The following SHISA5 variants were observed in gnomAD, a reference collection of about 807,000 sequenced individuals.
SHISA5 encodes protein shisa-5.
In SHISA5, 21 loss-of-function variants were observed where a neutral mutation model predicts 27.5. The observed-to-expected ratio is 0.76, with a 90% CI of 0.54 to 1.10. The LOEUF (loss-of-function observed/expected upper bound fraction) is 1.10, where lower values mean the gene tolerates loss of function less well. Among genes scored for constraint, SHISA5 ranks in the 50% least tolerant of loss-of-function variants. The pLI is 0.00. For missense variants in SHISA5, 314 were observed against 336.3 expected (o/e 0.93, Z 0.52); for synonymous variants, 137 against 142.2 (o/e 0.96, Z 0.26).
chr3:48,477,209 C>T, intron 3 of SHISA5: 1 of 389,716 alleles, frequency 2.6e-6, no homozygotes, highest in Non-Finnish European at 5.0e-6. Context: ...ATTCTCCTGC[C>T]TCAGCCTACA....
intron 1 of SHISA5, chr3:48,503,200 A>G: frequency 1.6e-6 from 2 of 1,289,130 alleles, no homozygotes; most frequent in Non-Finnish European, 2.0e-6. Context: ...AGGGCTGAAG[A>G]CACACCGGTG....
At position 48,494,296 on chromosome 3, in the gene SHISA5, T is replaced by C. The variant is rs1347051259; in HGVS notation, c.233+6841A>G. 2.7e-5 allele frequency among the ~76,000 whole-genome samples: 4 copies of C among 146,094 alleles called. 1 individual carries two copies. The highest frequency in any genetic ancestry group is 2.7e-4 in the Admixed American group (4 of 14,938). On this transcript the variant is annotated intron_variant, in intron 2 of 5. Coordinates refer to ENST00000296444, the MANE Select transcript of SHISA5 (RefSeq NM_016479.6). The stretch of plus-strand genomic sequence containing the variant: ...ATCATAAATGACAGGATTTCTGGAT[T>C]TCCTTTTTTTTTTTTTTTTTGAGAT...
At chr3:48,497,166 A>G (rs2041577812) in intron 2 of SHISA5, among the ~76,000 whole-genome samples, 1 of 150,096 alleles carries the variant, frequency 6.7e-6, no homozygotes, top group South Asian at 2.1e-4. Flanking sequence ...CAGGAGGCAG[A>G]GGTTGCAGTG....
chr3:48,502,861 C>A (rs1160192735), intron 1 of SHISA5, among the ~76,000 whole-genome samples: 1 of 152,216 alleles, frequency 6.6e-6, no homozygotes, highest in Non-Finnish European at 1.5e-5. Flanking sequence ...AGGCACCTGG[C>A]CATGTGCAGC....
At chr3:48,497,593 G>A (rs1198863495) in intron 2 of SHISA5, among the ~76,000 whole-genome samples, 1 of 151,206 alleles carries the variant, frequency 6.6e-6, no homozygotes, top group African/African-American at 2.4e-5. Context: ...CAATCGGAGG[G>A]TTAAAAAAAA....
intron 2 of SHISA5, among the ~76,000 whole-genome samples, chr3:48,486,655 G>A (rs1390963732): frequency 1.4e-5 from 2 of 140,538 alleles, no homozygotes; most frequent in Non-Finnish European, 1.5e-5. Context: ...CACTTTGGGA[G>A]GCGGAGGCGG....
chr3:48,504,196 C>T (rs1356449704), upstream of SHISA5: 2 of 469,616 alleles, frequency 4.3e-6, no homozygotes, highest in Non-Finnish European at 6.8e-6. The surrounding 1 kb of genome is among the most constrained non-coding windows in gnomAD (Gnocchi z 4.0). Flanking sequence ...CCCGCCCCGC[C>T]CCGGCCCGGC....
At chr3:48,474,807 C>G (rs1405898903) in intron 3 of SHISA5, among the ~76,000 whole-genome samples, 1 of 152,046 alleles carries the variant, frequency 6.6e-6, no homozygotes, top group East Asian at 1.9e-4. Flanking sequence ...TGCAGATACT[C>G]CTGCCAGCTC....
chr3:48,473,125 A>G lies in SHISA5; in HGVS notation c.315-3282T>C. The G allele has an allele frequency of 6.8e-7, 1 of 1,471,352 alleles. No homozygotes were observed. The highest frequency in any genetic ancestry group is 9.0e-7 in the Non-Finnish European group (1 of 1,115,212). 91.1% of individuals were successfully genotyped at this position (1,471,352 alleles called of 1,614,324 possible). A position where few individuals can be genotyped will look rare whatever the true frequency, so the allele number is the denominator to read the frequency against. ...CCCCTTTTGGAGAAAAAGAAAGCAA[A>G]TCTCCTCCAGATGACGTCAGCCACA... On this transcript the variant is annotated intron_variant, in intron 3 of 5. Coordinates refer to ENST00000296444, the MANE Select transcript of SHISA5 (RefSeq NM_016479.6). This position sits in a 1 kb window ranked among gnomAD's most constrained non-coding sequence, Gnocchi z 4.3.
chr3:48,488,559 C>G (rs561192335), intron 2 of SHISA5, among the ~76,000 whole-genome samples: 1 of 140,252 alleles, frequency 7.1e-6, no homozygotes. Context: ...AAAGGCCGGG[C>G]GCGGTGGCTC....
chr3:48,495,927 G>A (rs1218335753), intron 2 of SHISA5, among the ~76,000 whole-genome samples: 2 of 147,176 alleles, frequency 1.4e-5, no homozygotes, highest in Non-Finnish European at 2.9e-5. Context: ...AAGGAGGGCA[G>A]ATCACTTGAG....
chr3:48,471,788 G>C lies in SHISA5; in HGVS notation c.315-1945C>G, dbSNP rs144239650. On this transcript the variant is annotated intron_variant, in intron 3 of 5. Transcript: ENST00000296444. ...AGCTACTTGGGAGGCTAAGGCAGGA[G>C]AATCTCTTGAACCCAAGGAGGCAGA... 3.6e-3 allele frequency among the ~76,000 whole-genome samples: 547 copies of C among 151,632 alleles called. 2 individuals are homozygous for C. The highest frequency in any genetic ancestry group is 8.3e-3 in the South Asian group (40 of 4,804).
At position 48,504,046 on chromosome 3, in the gene SHISA5, G is replaced by A; in HGVS notation, c.49C>T (p.Leu17=). ...APRILLPLLL[L]LLLTPPPGAR... is the part of the protein sequence containing the mutation. ...CCCGGAGGCGGCGTTAGCAGCAGCA[G>A]CAACAGCAACGGCAACAGGATCCGC... is the stretch of plus-strand genomic sequence containing the variant. The change falls in exon 1 of 6, where the codon CTG becomes TTG. Residue 17 remains leucine, a synonymous_variant. Transcript: ENST00000296444. The surrounding 1 kb of genome is among the most constrained non-coding windows in gnomAD (Gnocchi z 4.0). 2.1e-6 allele frequency: 3 copies of A among 1,461,362 alleles called. No homozygotes were observed. Among genetic ancestry groups the A allele is most frequent in the South Asian group, 1.3e-5 (1 of 75,396 alleles). The allele number at this position is 1,461,362 out of a possible 1,614,324, so 90.5% of individuals were successfully genotyped here. A position where few individuals can be genotyped will look rare whatever the true frequency, so the allele number is the denominator to read the frequency against.
At chr3:48,500,243 A>G (rs2041715346) in intron 2 of SHISA5, among the ~76,000 whole-genome samples, 1 of 152,246 alleles carries the variant, frequency 6.6e-6, no homozygotes, top group East Asian at 1.9e-4. Context: ...TCAAATAATG[A>G]AAAGGATGTA....
rs751638796 is a variant in SHISA5 at position 48,501,253 on chromosome 3, G to A, written c.117C>T (p.Leu39=). 1 of 1,614,154 alleles carries A rather than the reference G, an allele frequency of 6.2e-7. No homozygotes were observed. The highest frequency in any genetic ancestry group is 8.5e-7 in the Non-Finnish European group (1 of 1,180,018). Residue 39 remains leucine (L), a synonymous_variant, in exon 2 of 6, where the codon CTC becomes CTT. Coordinates refer to ENST00000296444, the MANE Select transcript of SHISA5 (RefSeq NM_016479.6). ...EVCMASRGLS[L]FPESCPDFCC... ...AGAAATCTGGACAGGACTCGGGGAA[G>A]AGGCTGAGTCCACGGGAAGCCATAC...
At position 48,495,325 on chromosome 3, in the gene SHISA5, G is replaced by A. The variant is rs1255349109; in HGVS notation, c.233+5812C>T. 5.4e-4 allele frequency among the ~76,000 whole-genome samples: 38 copies of A among 70,474 alleles called. 4 individuals carry two copies. The highest frequency in any genetic ancestry group is 2.8e-3 in the African/African-American group (34 of 12,118). The allele number at this position is 70,474 out of a possible 152,430, so 46.2% of individuals were successfully genotyped here. ...CCCAGAAAAAATATGTTCCTTTTACGACGCTTTTTTTTTTTTTTTAATAGA... is the reference window on the plus strand; with the variant it reads ...CCCAGAAAAAATATGTTCCTTTTACAACGCTTTTTTTTTTTTTTTAATAGA... On this transcript the variant is annotated intron_variant, in intron 2 of 5. Coordinates refer to ENST00000296444, the MANE Select transcript of SHISA5 (RefSeq NM_016479.6).
chr3:48,469,085 A>T lies in SHISA5; in HGVS notation c.*22T>A. ...CACACACACAACATAACCAAGTGGCAGCCAGAGAGGCCAGGGAATGCTCAG... is the reference window on the plus strand; with the variant it reads ...CACACACACAACATAACCAAGTGGCTGCCAGAGAGGCCAGGGAATGCTCAG... On this transcript the variant is annotated 3_prime_UTR_variant, in exon 6 of 6. Coordinates refer to ENST00000296444, the MANE Select transcript of SHISA5 (RefSeq NM_016479.6). The surrounding 1 kb of genome is among the most constrained non-coding windows in gnomAD (Gnocchi z 4.6). 1 of 1,612,604 alleles carries T rather than the reference A, an allele frequency of 6.2e-7. No homozygotes were observed. Among genetic ancestry groups the T allele is most frequent in the South Asian group, 1.1e-5 (1 of 91,090 alleles).
chr3:48,474,098 A>T (rs925128762), intron 3 of SHISA5, among the ~76,000 whole-genome samples: 1 of 150,950 alleles, frequency 6.6e-6, no homozygotes, highest in Admixed American at 6.6e-5. Flanking sequence ...TATTATTATT[A>T]TTTTTTTGAG....
chr3:48,504,555 C>G (rs530989156), upstream of SHISA5: 3 of 155,196 alleles, frequency 1.9e-5, no homozygotes, highest in South Asian at 6.2e-4. This position sits in a 1 kb window ranked among gnomAD's most constrained non-coding sequence, Gnocchi z 4.0. Context: ...AGCCGCAGTC[C>G]CGGCGGATCC....
Sources: allele counts gnomAD v4.1 joint callset (sites outside exome capture counted in the v4.1 genomes callset), GRCh38; gene constraint gnomAD v4.1.1; non-coding constraint Gnocchi (gnomAD v3.1); transcripts MANE v1.5; gene names NCBI Gene and HGNC (gene_info 2026-07-23, HGNC 2026-07-21).